The following LHFPL2 variants were observed in gnomAD, a reference collection of about 807,000 sequenced individuals.
The protein encoded by LHFPL2 is LHFPL tetraspan subfamily member 2.
Under a neutral mutation model 17.5 loss-of-function variants are expected in LHFPL2, and 7 were observed. That is an observed-to-expected ratio of 0.40 (90% confidence interval 0.23 to 0.75). The LOEUF (loss-of-function observed/expected upper bound fraction) is 0.75, where lower values mean the gene tolerates loss of function less well. LHFPL2 is among the 30% of genes least tolerant of loss of function. LHFPL2 has a pLI of 0.37. For synonymous variants in LHFPL2, 134 were observed against 116.2 expected (o/e 1.15, Z -0.99); for missense variants, 241 against 294.8 (o/e 0.82, Z 1.34).
chr5:78,585,013 T>TTG (rs1743326242), intron 2 of LHFPL2, among the ~76,000 whole-genome samples: 1 of 56,042 alleles, frequency 1.8e-5, no homozygotes, highest in South Asian at 5.0e-4. Context: ...TTTTTTTTTT[T>TTG]TTTTTTTTTT....
In LHFPL2 at chr5:78,528,338, T is replaced by C. The variant is rs1755679870; in HGVS notation, c.-185-17940A>G. On this transcript the variant is annotated intron_variant, in intron 3 of 4. Coordinates refer to ENST00000380345, the MANE Select transcript of LHFPL2 (RefSeq NM_005779.3). ...GTGGTGGCAAGCCAGAATTACCACC[T>C]GAGCTCTGCCTCTTGTCATATCAAC... Among the ~76,000 whole-genome samples the C allele has an allele frequency of 2.6e-5, 4 of 152,234 alleles. No homozygotes were observed. In the South Asian group the frequency reaches 8.3e-4, roughly 31 times the overall value.
intron 2 of LHFPL2, among the ~76,000 whole-genome samples, chr5:78,600,944 T>TA (rs538090107): frequency 2.6e-3 from 398 of 152,056 alleles, no homozygotes; most frequent in African/African-American, 8.8e-3. Flanking sequence ...ATTAGCTGTT[T>TA]AAAAAAAAGT....
intron 3 of LHFPL2, among the ~76,000 whole-genome samples, chr5:78,519,384 G>C (rs1359811562): frequency 6.6e-6 from 1 of 152,146 alleles, no homozygotes; most frequent in Non-Finnish European, 1.5e-5. Flanking sequence ...ATAATTCTGG[G>C]TTCCAGTATA....
chr5:78,507,764 A>G (rs1383306676), intron 4 of LHFPL2, among the ~76,000 whole-genome samples: 1 of 152,194 alleles, frequency 6.6e-6, no homozygotes, highest in Admixed American at 6.5e-5. Context: ...ATCATCAAGG[A>G]TGTGCAAATA....
At chr5:78,633,094 G>A (rs1210302081) in intron 1 of LHFPL2, among the ~76,000 whole-genome samples, 1 of 152,200 alleles carries the variant, frequency 6.6e-6, no homozygotes, top group Non-Finnish European at 1.5e-5. Context: ...CACAGGAGAG[G>A]AGACTGTGAT....
intron 3 of LHFPL2, among the ~76,000 whole-genome samples, chr5:78,542,875 T>C (rs1243486682): frequency 6.6e-6 from 1 of 152,140 alleles, no homozygotes; most frequent in Non-Finnish European, 1.5e-5. Context: ...TAAGTGCCAA[T>C]GGTGATATGG....
chr5:78,502,706 T>C (rs1754810145), intron 4 of LHFPL2, among the ~76,000 whole-genome samples: 1 of 52,728 alleles, frequency 1.9e-5, no homozygotes, highest in African/African-American at 8.9e-5. Flanking sequence ...TTAAAAAACA[T>C]AGTTACTAAA....
chr5:78,626,722 A>C (rs1745046517), intron 2 of LHFPL2: 1 of 152,212 alleles, frequency 6.6e-6, no homozygotes, highest in Non-Finnish European at 1.5e-5. Context: ...TGTACTTAAC[A>C]GTGGGTAGGG....
chr5:78,547,475 A>G (rs1756314236), intron 3 of LHFPL2, among the ~76,000 whole-genome samples: 1 of 152,198 alleles, frequency 6.6e-6, no homozygotes, highest in Non-Finnish European at 1.5e-5. Context: ...GAGGAGCCAT[A>G]GTGCATTTAC....
At chr5:78,635,360 C>T (rs544224132) in intron 1 of LHFPL2, among the ~76,000 whole-genome samples, 10 of 152,300 alleles carry the variant, frequency 6.6e-5, no homozygotes, top group East Asian at 1.9e-4. Flanking sequence ...CTGGGAAAGA[C>T]GCCCCCAACA....
In LHFPL2 at chr5:78,564,119, C is replaced by T. The variant is rs994169844; in HGVS notation, c.-186+694G>A. On this transcript the variant is annotated intron_variant, in intron 3 of 4. Transcript: ENST00000380345. ...TTGAGCTGGCTTCTTTGGGCTGAGC[C>T]GAACCTCCAGTTTATAATAAGACCT... 3.3e-5 allele frequency among the ~76,000 whole-genome samples: 5 copies of T among 152,200 alleles called. No homozygotes were observed. The East Asian group carries it at 7.7e-4, about 24-fold the overall frequency.
chr5:78,588,313 G>C (rs1041868679), intron 2 of LHFPL2, among the ~76,000 whole-genome samples: 2 of 152,150 alleles, frequency 1.3e-5, no homozygotes, highest in African/African-American at 2.4e-5. Flanking sequence ...TACGAATACA[G>C]GTGCATGACA....
chr5:78,640,423 A>G (rs1314175913), intron 1 of LHFPL2, among the ~76,000 whole-genome samples: 1 of 152,180 alleles, frequency 6.6e-6, no homozygotes, highest in African/African-American at 2.4e-5. Context: ...TCCTAGTTAC[A>G]TTCCTGCAGC....
chr5:78,586,899 TAG>T (rs1743430237), intron 2 of LHFPL2, among the ~76,000 whole-genome samples: 1 of 152,226 alleles, frequency 6.6e-6, no homozygotes, highest in African/African-American at 2.4e-5. Flanking sequence ...ACACTTGGAA[TAG>T]TCTTTTTAAT....
intron 2 of LHFPL2, among the ~76,000 whole-genome samples, chr5:78,583,337 G>T (rs1178084750): frequency 1.3e-5 from 2 of 151,786 alleles, no homozygotes; most frequent in African/African-American, 4.8e-5. Flanking sequence ...GATGCTAGCT[G>T]GTGATTTTGC....
chr5:78,622,501 G>C (rs1256191517), intron 2 of LHFPL2, among the ~76,000 whole-genome samples: 1 of 152,124 alleles, frequency 6.6e-6, no homozygotes, highest in African/African-American at 2.4e-5. Flanking sequence ...ATAGAGCCTG[G>C]GAATGGGGAG....
intron 3 of LHFPL2, among the ~76,000 whole-genome samples, chr5:78,516,515 G>A (rs1407598481): frequency 6.6e-6 from 1 of 151,998 alleles, no homozygotes; most frequent in Non-Finnish European, 1.5e-5. Flanking sequence ...AAAATTACCT[G>A]GCCCCAAATG....
chr5:78,565,410 T>C (rs1756833883), intron 2 of LHFPL2, among the ~76,000 whole-genome samples: 1 of 152,212 alleles, frequency 6.6e-6, no homozygotes, highest in Admixed American at 6.5e-5. Context: ...AAAGAAAAGT[T>C]GAAAAGTAAG....
intron 3 of LHFPL2, among the ~76,000 whole-genome samples, chr5:78,523,696 A>C (rs1353557092): frequency 6.6e-6 from 1 of 152,220 alleles, no homozygotes; most frequent in Non-Finnish European, 1.5e-5. Flanking sequence ...TCCCCCTAAA[A>C]AGAAGTAATG....
Sources: allele counts gnomAD v4.1 joint callset (sites outside exome capture counted in the v4.1 genomes callset), GRCh38; gene constraint gnomAD v4.1.1; transcripts MANE v1.5; gene names NCBI Gene and HGNC (gene_info 2026-07-23, HGNC 2026-07-21).